The following MACROD2 variants were observed in gnomAD, a reference collection of about 807,000 sequenced individuals.
MACROD2 encodes ADP-ribose glycohydrolase MACROD2.
A neutral mutation model predicts 70.4 loss-of-function variants in MACROD2; 36 were observed. That is an observed-to-expected ratio of 0.51 (90% confidence interval 0.39 to 0.68). The LOEUF is 0.68. Among genes scored for constraint, MACROD2 ranks in the 30% least tolerant of loss-of-function variants. The pLI is 0.00. For synonymous variants in MACROD2, 172 were observed against 178.8 expected (o/e 0.96, Z 0.30); for missense variants, 496 against 538.4 (o/e 0.92, Z 0.78).
chr20:14,251,158 A>G (rs2082009308), intron 3 of MACROD2, among the ~76,000 whole-genome samples: 1 of 152,146 alleles, frequency 6.6e-6, no homozygotes, highest in Admixed American at 6.5e-5. Context: ...AAAACTTCCT[A>G]ACTGCCATAC....
chr20:15,623,930 T>C (rs1478855554), intron 8 of MACROD2, among the ~76,000 whole-genome samples: 1 of 152,128 alleles, frequency 6.6e-6, no homozygotes, highest in Non-Finnish European at 1.5e-5. Flanking sequence ...CATATCTATA[T>C]ATGAAGGGGA....
At chr20:14,121,175 G>T (rs1196519945) in intron 3 of MACROD2, among the ~76,000 whole-genome samples, 1 of 152,142 alleles carries the variant, frequency 6.6e-6, no homozygotes. Flanking sequence ...TCTGTCAGGG[G>T]TGCATAGTCA....
At position 15,013,939 on chromosome 20, in the gene MACROD2, C is replaced by T. The variant is rs1433121103; in HGVS notation, c.419-216001C>T. Among the ~76,000 whole-genome samples, 4 of 152,198 alleles carry T rather than the reference C, an allele frequency of 2.6e-5. 1 individual carries two copies. Among genetic ancestry groups the T allele is most frequent in the Non-Finnish European group, 1.5e-5 (1 of 68,030 alleles). ...AGATGATGCAAATCATCACATTTCT[C>T]CTGCCTGTAGCTCAGGATCCAAACA... On this transcript the variant is annotated intron_variant, in intron 5 of 17. Transcript: ENST00000684519.
At chr20:14,120,683 T>TTATA (rs376008913) in intron 3 of MACROD2, among the ~76,000 whole-genome samples, 2 of 147,844 alleles carry the variant, frequency 1.4e-5, no homozygotes, top group Admixed American at 6.8e-5. Flanking sequence ...ATCACATGTA[T>TTATA]TATATATATA....
chr20:16,006,762 G>C (rs1210351418), intron 15 of MACROD2, among the ~76,000 whole-genome samples: 1 of 152,272 alleles, frequency 6.6e-6, no homozygotes, highest in Admixed American at 6.5e-5. Context: ...GGATGATTAA[G>C]TGTGTTCTCA....
At chr20:14,939,962 A>G (rs1278407370) in intron 5 of MACROD2, among the ~76,000 whole-genome samples, 1 of 151,900 alleles carries the variant, frequency 6.6e-6, no homozygotes, top group Non-Finnish European at 1.5e-5. Flanking sequence ...TTATCCTACA[A>G]CTTTACGGAA....
intron 2 of MACROD2, among the ~76,000 whole-genome samples, chr20:14,045,734 G>A (rs933781881): frequency 5.9e-5 from 9 of 151,956 alleles, no homozygotes; most frequent in East Asian, 5.8e-4. Context: ...AGACAATGGA[G>A]TATAAATGAA....
intron 7 of MACROD2, among the ~76,000 whole-genome samples, chr20:15,445,319 T>C (rs1195679923): frequency 1.3e-5 from 2 of 152,202 alleles, no homozygotes; most frequent in East Asian, 3.9e-4. Flanking sequence ...TACCACACTT[T>C]ATACATAACC....
intron 6 of MACROD2, among the ~76,000 whole-genome samples, chr20:15,301,861 C>T (rs996068962): frequency 2.0e-5 from 3 of 152,090 alleles, no homozygotes. Context: ...GTCATTCTCT[C>T]GCGTCTCATT....
chr20:15,619,602 C>A, intron 8 of MACROD2: 1 of 443,912 alleles, frequency 2.3e-6, no homozygotes, highest in South Asian at 2.5e-5. Flanking sequence ...TTGGCAGCTG[C>A]TTATTCTCCT....
chr20:14,313,615 T>TA (rs1453971985), intron 3 of MACROD2, among the ~76,000 whole-genome samples: 2 of 152,198 alleles, frequency 1.3e-5, no homozygotes, highest in Non-Finnish European at 2.9e-5. Context: ...TTCTTCTAGG[T>TA]AAGACTATTG....
chr20:15,059,608 C>T (rs914595368), intron 5 of MACROD2, among the ~76,000 whole-genome samples: 3 of 152,144 alleles, frequency 2.0e-5, no homozygotes, highest in Non-Finnish European at 2.9e-5. Flanking sequence ...TTTATCCCTT[C>T]TTTTCAATTC....
At chr20:15,223,764 T>A (rs2076881310) in intron 5 of MACROD2, among the ~76,000 whole-genome samples, 1 of 152,164 alleles carries the variant, frequency 6.6e-6, no homozygotes, top group Non-Finnish European at 1.5e-5. Context: ...TTATAGCTGT[T>A]TTAAGATATG....
chr20:14,254,576 A>T (rs951963498), intron 3 of MACROD2, among the ~76,000 whole-genome samples: 1 of 152,094 alleles, frequency 6.6e-6, no homozygotes, highest in Non-Finnish European at 1.5e-5. Flanking sequence ...GTTACCTTTT[A>T]TCTAAAAGAA....
intron 8 of MACROD2, among the ~76,000 whole-genome samples, chr20:15,527,148 G>A (rs1338936660): frequency 6.6e-6 from 1 of 152,120 alleles, no homozygotes; most frequent in African/African-American, 2.4e-5. Flanking sequence ...GTGACTGCAT[G>A]TGTTCCCCAG....
intron 7 of MACROD2, among the ~76,000 whole-genome samples, chr20:15,493,186 T>C (rs531940863): frequency 3.3e-5 from 5 of 152,178 alleles, no homozygotes; most frequent in Non-Finnish European, 5.9e-5. Flanking sequence ...GAGCGCTGCC[T>C]TCTTACAAAC....
intron 4 of MACROD2, among the ~76,000 whole-genome samples, chr20:14,524,875 C>CT (rs1423479335): frequency 6.6e-6 from 1 of 152,182 alleles, no homozygotes; most frequent in Non-Finnish European, 1.5e-5. Flanking sequence ...TTGCCTCATA[C>CT]TGTCTCTGTA....
intron 5 of MACROD2, among the ~76,000 whole-genome samples, chr20:14,928,679 G>A (rs2074262608): frequency 1.3e-5 from 2 of 152,278 alleles, no homozygotes; most frequent in South Asian, 4.1e-4. Flanking sequence ...GCATGCACAT[G>A]ATGCCACATG....
intron 5 of MACROD2, among the ~76,000 whole-genome samples, chr20:14,688,966 T>G (rs538437894): frequency 2.4e-4 from 36 of 152,366 alleles, no homozygotes; most frequent in African/African-American, 8.2e-4. Flanking sequence ...TCTGCACATT[T>G]CTAGTAAATT....
Sources: gnomAD v4.1 joint callset for allele counts (sites outside exome capture counted in the v4.1 genomes callset) on GRCh38, gnomAD v4.1.1 for gene constraint, MANE v1.5 for transcripts, NCBI Gene and HGNC (gene_info 2026-07-23, HGNC 2026-07-21) for gene names.